ARB2A: variants seen among roughly 807,000 people sequenced by gnomAD.
ARB2A encodes ARB2 cotranscriptional regulator A, also known as cotranscriptional regulator ARB2A.
chr5:93,965,040 T>G, the ARB2A span, among the ~76,000 whole-genome samples: 1 of 152,040 alleles, frequency 6.6e-6, no homozygotes, highest in African/African-American at 2.4e-5. Flanking sequence ...TTCCTCTAGA[T>G]GTCCATGTCC....
chr5:94,110,527 T>C, the ARB2A span, among the ~76,000 whole-genome samples: 1 of 152,168 alleles, frequency 6.6e-6, no homozygotes, highest in Non-Finnish European at 1.5e-5. Flanking sequence ...TAGTTGAAAA[T>C]TCTGAAAGAA....
chr5:93,865,324 G>A, the ARB2A span: 35 of 814,742 alleles, frequency 4.3e-5, no homozygotes, highest in African/African-American at 7.5e-5. Flanking sequence ...CTTGTGATCC[G>A]CCCGCCTCGG....
At chr5:93,669,012 A>G in the ARB2A span, among the ~76,000 whole-genome samples, 3 of 152,364 alleles carry the variant, frequency 2.0e-5, no homozygotes, top group South Asian at 6.2e-4. Context: ...CTGAATGATG[A>G]CTTTGGAACT....
the ARB2A span, among the ~76,000 whole-genome samples, chr5:94,040,936 A>C: frequency 6.6e-6 from 1 of 152,168 alleles, no homozygotes; most frequent in African/African-American, 2.4e-5. Flanking sequence ...AAGGAAAAAG[A>C]TAACTTTCCT....
the ARB2A span, among the ~76,000 whole-genome samples, chr5:93,916,794 A>C: frequency 1.3e-5 from 2 of 152,150 alleles, no homozygotes; most frequent in African/African-American, 2.4e-5. Context: ...AGCAGATCCT[A>C]AAGGAACATT....
chr5:94,067,435 A>T, the ARB2A span, among the ~76,000 whole-genome samples: 1 of 152,150 alleles, frequency 6.6e-6, no homozygotes, highest in African/African-American at 2.4e-5. Context: ...ATATAGAAAA[A>T]CCTAAAGACT....
the ARB2A span, among the ~76,000 whole-genome samples, chr5:93,981,729 G>A: frequency 9.9e-5 from 15 of 151,964 alleles, no homozygotes; most frequent in African/African-American, 3.4e-4. Context: ...GAACAGGCCC[G>A]AGGTTAATTT....
the ARB2A span, among the ~76,000 whole-genome samples, chr5:93,827,520 C>A: frequency 6.6e-6 from 1 of 152,262 alleles, no homozygotes; most frequent in African/African-American, 2.4e-5. Flanking sequence ...GAGTAGATTG[C>A]AAAACTTTTC....
At chr5:93,655,597 T>C in the ARB2A span, among the ~76,000 whole-genome samples, 2 of 152,184 alleles carry the variant, frequency 1.3e-5, no homozygotes, top group African/African-American at 4.8e-5. Context: ...CAGTTAGTAA[T>C]ACGCAAGGGA....
At chr5:93,719,008 G>A in the ARB2A span, among the ~76,000 whole-genome samples, 1 of 152,096 alleles carries the variant, frequency 6.6e-6, no homozygotes, top group African/African-American at 2.4e-5. Context: ...CTCTCTCTTG[G>A]ATGTCTTCTG....
chr5:93,779,669 G>A, the ARB2A span, among the ~76,000 whole-genome samples: 1 of 152,348 alleles, frequency 6.6e-6, no homozygotes, highest in African/African-American at 2.4e-5. Context: ...TCCTTGGCCA[G>A]GGCGGGCAGA....
At chr5:93,880,698 T>C in the ARB2A span, among the ~76,000 whole-genome samples, 2 of 151,836 alleles carry the variant, frequency 1.3e-5, no homozygotes, top group East Asian at 3.9e-4. Flanking sequence ...ATAGTATGCA[T>C]GTCAACATTC....
the ARB2A span, among the ~76,000 whole-genome samples, chr5:93,957,465 T>G: frequency 6.6e-6 from 1 of 152,164 alleles, no homozygotes; most frequent in Non-Finnish European, 1.5e-5. Context: ...TTCATTTCAC[T>G]ATTTAAAACC....
the ARB2A span, among the ~76,000 whole-genome samples, chr5:93,764,844 G>C: frequency 9.9e-5 from 15 of 152,180 alleles, no homozygotes; most frequent in South Asian, 8.3e-4. Context: ...AGCTTATCCA[G>C]CATGATCAAG....
At chr5:93,996,685 A>G in the ARB2A span, among the ~76,000 whole-genome samples, 1 of 152,070 alleles carries the variant, frequency 6.6e-6, no homozygotes, top group South Asian at 2.1e-4. Flanking sequence ...AGATGTTCTC[A>G]TTTCAATAAT....
the ARB2A span, among the ~76,000 whole-genome samples, chr5:94,044,500 G>A: frequency 2.6e-5 from 4 of 152,222 alleles, no homozygotes; most frequent in Non-Finnish European, 5.9e-5. Context: ...TCAGCCTGAA[G>A]AAGTTATAGA....
the ARB2A span, among the ~76,000 whole-genome samples, chr5:93,895,278 G>A: frequency 9.9e-5 from 15 of 152,168 alleles, no homozygotes; most frequent in African/African-American, 3.1e-4. Flanking sequence ...TCATGGATAT[G>A]TAAGAGATGT....
At chr5:93,856,839 T>C in the ARB2A span, among the ~76,000 whole-genome samples, 4 of 152,126 alleles carry the variant, frequency 2.6e-5, no homozygotes, top group South Asian at 4.2e-4. Flanking sequence ...CTGCGTTCCT[T>C]TGAAGGAGGA....
chr5:93,676,941 T>C, the ARB2A span, among the ~76,000 whole-genome samples: 13 of 152,262 alleles, frequency 8.5e-5, no homozygotes, highest in Non-Finnish European at 1.3e-4. Context: ...CGGTGCCAGA[T>C]TGGACACTGT....
Sources: allele counts gnomAD v4.1 joint callset (sites outside exome capture counted in the v4.1 genomes callset), GRCh38; gene constraint gnomAD v4.1.1; transcripts MANE v1.5; gene names NCBI Gene and HGNC (gene_info 2026-07-23, HGNC 2026-07-21).